PIWIL2: variants seen among roughly 807,000 people sequenced by gnomAD.
PIWIL2 encodes piwi-like protein 2.
In PIWIL2, 81 loss-of-function variants were observed where a neutral mutation model predicts 116.5. The ratio of observed to expected loss-of-function variants is 0.70; its 90% confidence interval spans 0.58 to 0.84. PIWIL2 has a LOEUF of 0.84. Among genes scored for constraint, PIWIL2 ranks in the 40% least tolerant of loss-of-function variants. The pLI is 0.00. For synonymous variants in PIWIL2, 489 were observed against 429.5 expected (o/e 1.14, Z -1.71); for missense variants, 1,272 against 1,212.3 (o/e 1.05, Z -0.73).
chr8:22,281,665 G>A (rs967907223), intron 4 of PIWIL2, 150 bp downstream of exon 4: 83 of 629,218 alleles, frequency 1.3e-4, no homozygotes, highest in Non-Finnish European at 2.0e-4. Context: ...GTAGTCAGCA[G>A]CTGTTAACAC....
In PIWIL2 at chr8:22,283,116, C is replaced by T. The variant is rs759053054; in HGVS notation, c.508C>T (p.Pro170Ser). The change falls in exon 5 of 23, where the codon CCT becomes TCT. Residue 170 changes from proline to serine, a missense_variant. By Grantham distance (74) the Pro-to-Ser change is moderately conservative (BLOSUM62 -1). Transcript: ENST00000356766. The stretch of plus-strand genomic sequence containing the variant: ...TGGTATCAGCAGAGAAGTGGACAAG[C>T]CTCCCTGTACCTTCAGCACACCGTC... ...AGGISREVDK[P>S]PCTFSTPSRG... 1 of 1,614,090 alleles carries T rather than the reference C, an allele frequency of 6.2e-7. No individual in the cohort carries two copies. The highest frequency in any genetic ancestry group is 8.5e-7 in the Non-Finnish European group (1 of 1,179,972).
intron 20 of PIWIL2, among the ~76,000 whole-genome samples, chr8:22,349,777 G>A (rs1832314341): frequency 1.3e-5 from 2 of 152,090 alleles, no homozygotes; most frequent in Admixed American, 1.3e-4. Flanking sequence ...GTGAGAAGGT[G>A]GAGCCCCAGG....
At chr8:22,352,853 A>G in intron 20 of PIWIL2, 106 bp from the exon 21 acceptor site, 4 of 1,158,516 alleles carry the variant, frequency 3.5e-6, no homozygotes, top group Non-Finnish European at 4.9e-6. Flanking sequence ...TAACTGCAAA[A>G]GGATCTGCCA....
At chr8:22,326,341 T>TG in intron 20 of PIWIL2, among the ~76,000 whole-genome samples, 1 of 152,038 alleles carries the variant, frequency 6.6e-6, no homozygotes, top group East Asian at 1.9e-4. Context: ...GGCAACATGG[T>TG]GAAACCCCCA....
chr8:22,334,799 G>C (rs941737151), intron 20 of PIWIL2, among the ~76,000 whole-genome samples: 1 of 152,082 alleles, frequency 6.6e-6, no homozygotes, highest in African/African-American at 2.4e-5. Context: ...GCTCACACCT[G>C]TAATCCCAGC....
At chr8:22,301,950 A>T (rs1387062430) in intron 10 of PIWIL2, among the ~76,000 whole-genome samples, 1 of 151,982 alleles carries the variant, frequency 6.6e-6, no homozygotes, top group Non-Finnish European at 1.5e-5. Flanking sequence ...TTTCATTCTC[A>T]TGTAATTTAA....
intron 20 of PIWIL2, among the ~76,000 whole-genome samples, chr8:22,339,028 G>A (rs1224233729): frequency 6.6e-6 from 1 of 152,198 alleles, no homozygotes; most frequent in Non-Finnish European, 1.5e-5. Context: ...ATAAACCCAT[G>A]GGCCTATGGC....
intron 17 of PIWIL2, 45 bp from the exon 18 acceptor site, chr8:22,314,984 A>T (rs757528021): frequency 4.9e-6 from 5 of 1,029,754 alleles, no homozygotes; most frequent in Middle Eastern, 2.0e-4. Context: ...TGAGAGGTTG[A>T]TAGTGACCTG....
intron 8 of PIWIL2, 40 bp from the exon 9 acceptor site, chr8:22,289,807 A>T (rs1400347320): frequency 8.6e-7 from 1 of 1,164,480 alleles, no homozygotes. Context: ...TAATTTTATT[A>T]CTCTTCTATT....
At chr8:22,305,441 C>A (rs1273656394) in intron 12 of PIWIL2, among the ~76,000 whole-genome samples, 1 of 152,104 alleles carries the variant, frequency 6.6e-6, no homozygotes, top group Non-Finnish European at 1.5e-5. Flanking sequence ...ATTTGCCCGC[C>A]TCGGCCTCCT....
chr8:22,305,094 A>G (rs1433307788), intron 12 of PIWIL2, among the ~76,000 whole-genome samples: 2 of 152,198 alleles, frequency 1.3e-5, no homozygotes, highest in Non-Finnish European at 2.9e-5. Flanking sequence ...CACATAAGCT[A>G]TTAGGTTAAA....
At chr8:22,308,136 A>C (rs1364217200) in intron 14 of PIWIL2, 63 bp downstream of exon 14, 11 of 1,333,120 alleles carry the variant, frequency 8.3e-6, no homozygotes, top group African/African-American at 1.4e-5. Context: ...TATTTATGTG[A>C]CTTTCCTTTT....
intron 20 of PIWIL2, among the ~76,000 whole-genome samples, chr8:22,324,227 G>C (rs906899024): frequency 2.0e-5 from 3 of 152,090 alleles, no homozygotes; most frequent in Admixed American, 1.3e-4. Context: ...ACGCCACTGC[G>C]CTCCAGTCTG....
At chr8:22,329,639 A>T (rs995828953) in intron 20 of PIWIL2, among the ~76,000 whole-genome samples, 2 of 152,204 alleles carry the variant, frequency 1.3e-5, no homozygotes, top group East Asian at 3.9e-4. Context: ...CACCTCCAGT[A>T]TTGGGAATTA....
chr8:22,325,831 G>C (rs1831712301), intron 20 of PIWIL2, among the ~76,000 whole-genome samples: 1 of 152,064 alleles, frequency 6.6e-6, no homozygotes, highest in African/African-American at 2.4e-5. Flanking sequence ...TCTACCAGCA[G>C]GTATGCAAAA....
At chr8:22,284,412 G>A in intron 6 of PIWIL2, 140 bp downstream of exon 6, 1 of 479,704 alleles carries the variant, frequency 2.1e-6, no homozygotes, top group South Asian at 3.7e-5. Context: ...GATCCTTACA[G>A]GAAGTTTAAG....
chr8:22,351,437 A>ATATATATATG (rs1832352460), intron 20 of PIWIL2, among the ~76,000 whole-genome samples: 2 of 44,428 alleles, frequency 4.5e-5, no homozygotes, highest in South Asian at 2.0e-3. Flanking sequence ...CAGTGCATAC[A>ATATATATATG]TACATATATA....
chr8:22,324,794 G>A (rs545572114), intron 20 of PIWIL2, among the ~76,000 whole-genome samples: 11 of 148,026 alleles, frequency 7.4e-5, no homozygotes, highest in East Asian at 1.9e-4. Flanking sequence ...TTTATGAAGA[G>A]AGGAAATTTA....
chr8:22,341,769 C>T (rs1407827833), intron 20 of PIWIL2, among the ~76,000 whole-genome samples: 1 of 152,062 alleles, frequency 6.6e-6, no homozygotes, highest in African/African-American at 2.4e-5. Context: ...TAATCAGCTT[C>T]CTCCTGGAAG....
Sources: allele counts gnomAD v4.1 joint callset (sites outside exome capture counted in the v4.1 genomes callset), GRCh38; gene constraint gnomAD v4.1.1; transcripts MANE v1.5; gene names NCBI Gene and HGNC (gene_info 2026-07-23, HGNC 2026-07-21).